DNAH7: variants seen among roughly 807,000 people sequenced by gnomAD.
DNAH7 encodes the protein dynein axonemal heavy chain 7.
In DNAH7, 397 loss-of-function variants were observed where a neutral mutation model predicts 444.6. That is an observed-to-expected ratio of 0.89 (90% CI 0.82 to 0.97). The LOEUF is 0.97. Ranked by LOEUF, DNAH7 falls within the 50% of genes least tolerant of loss-of-function variation. The pLI is 0.00. For synonymous variants in DNAH7, 1,636 were observed against 1,624.4 expected, an observed-to-expected ratio of 1.01 and a Z score of -0.17; for missense variants, 4,902 against 4,800.8, an observed-to-expected ratio of 1.02 and a Z score of -0.62.
At chr2:195,771,936 A>C (rs1348197007) in intron 60 of DNAH7, 46 bp from the exon 61 acceptor site, 2 of 1,524,616 alleles carry the variant, frequency 1.3e-6, no homozygotes, top group Non-Finnish European at 1.8e-6. Context: ...ATAAAGGTCT[A>C]ACAATAGCTG....
intron 21 of DNAH7, among the ~76,000 whole-genome samples, chr2:195,933,447 C>T (rs570876094): frequency 2.6e-5 from 4 of 152,236 alleles, no homozygotes; most frequent in South Asian, 4.1e-4. Flanking sequence ...GACATATGCA[C>T]ATGTATGTTT....
At chr2:195,952,813 T>C (rs1021509784) in intron 19 of DNAH7, among the ~76,000 whole-genome samples, 1 of 152,202 alleles carries the variant, frequency 6.6e-6, no homozygotes, top group African/African-American at 2.4e-5. Flanking sequence ...ACACTGGTTA[T>C]TCTAGTTAGC....
At chr2:195,745,949 C>G (rs1693374527) in intron 63 of DNAH7, among the ~76,000 whole-genome samples, 1 of 152,130 alleles carries the variant, frequency 6.6e-6, no homozygotes, top group African/African-American at 2.4e-5. Context: ...AACTAACGAG[C>G]AAAATAACCA....
intron 14 of DNAH7, among the ~76,000 whole-genome samples, chr2:195,985,811 C>A (rs1692869360): frequency 1.3e-5 from 2 of 152,278 alleles, no homozygotes; most frequent in South Asian, 4.1e-4. Flanking sequence ...TCTTCTAGTT[C>A]TTTTACAGGA....
intron 19 of DNAH7, among the ~76,000 whole-genome samples, chr2:195,950,779 G>A (rs1690174074): frequency 6.9e-6 from 1 of 145,756 alleles, no homozygotes; most frequent in Non-Finnish European, 1.5e-5. Context: ...GTGAACCCAG[G>A]AGGCGAAGCT....
intron 15 of DNAH7, among the ~76,000 whole-genome samples, chr2:195,974,713 T>C (rs1052811012): frequency 1.7e-4 from 25 of 150,058 alleles, no homozygotes; most frequent in African/African-American, 5.0e-4. Context: ...ATATAAAATA[T>C]AAAAATATTC....
chr2:195,894,329 G>T (rs948104237), intron 30 of DNAH7: 1 of 152,056 alleles, frequency 6.6e-6, no homozygotes, highest in African/African-American at 2.4e-5. Flanking sequence ...TAACAGAAAA[G>T]TAAGTAATTT....
intron 48 of DNAH7, among the ~76,000 whole-genome samples, chr2:195,828,612 T>TA (rs35780138): frequency 0.013 from 1,270 of 94,384 alleles, 10 homozygotes; most frequent in South Asian, 0.038. Flanking sequence ...ATATATATAT[T>TA]TTTTTTTTTT....
chr2:196,025,366 C>A (rs1162685336), intron 7 of DNAH7, among the ~76,000 whole-genome samples: 1 of 152,204 alleles, frequency 6.6e-6, no homozygotes, highest in African/African-American at 2.4e-5. Flanking sequence ...ATATGCAAAT[C>A]ATATGTATTA....
chr2:195,756,306 G>A (rs1694070485), intron 61 of DNAH7, 21 bp from the exon 62 acceptor site: 17 of 1,586,928 alleles, frequency 1.1e-5, no homozygotes, highest in Non-Finnish European at 1.5e-5. Flanking sequence ...TTTAACCTTG[G>A]TTAATATAAT....
chr2:196,028,126 G>A (rs1047058461), intron 5 of DNAH7, 79 bp from the exon 6 acceptor site: 8 of 1,096,756 alleles, frequency 7.3e-6, no homozygotes, highest in Non-Finnish European at 7.9e-6. Flanking sequence ...AGGAACACCA[G>A]GACTATTTTC....
intron 21 of DNAH7, among the ~76,000 whole-genome samples, chr2:195,933,167 C>G (rs1431852729): frequency 2.6e-5 from 4 of 152,066 alleles, no homozygotes; most frequent in Admixed American, 1.3e-4. Flanking sequence ...TCATCACTGG[C>G]CATCAGAGAA....
chr2:195,761,907 G>A (rs1694366681), intron 61 of DNAH7, among the ~76,000 whole-genome samples: 1 of 151,984 alleles, frequency 6.6e-6, no homozygotes, highest in Admixed American at 6.6e-5. Context: ...TAAAACTCAG[G>A]GTAATACTAA....
chr2:195,950,121 G>A (rs1366139827), intron 19 of DNAH7, among the ~76,000 whole-genome samples: 1 of 152,130 alleles, frequency 6.6e-6, no homozygotes, highest in Non-Finnish European at 1.5e-5. Context: ...CCTCATAAAT[G>A]GGTTAGGGAG....
At chr2:195,781,649 C>T (rs572318032) in intron 58 of DNAH7, among the ~76,000 whole-genome samples, 10 of 146,356 alleles carry the variant, frequency 6.8e-5, no homozygotes, top group South Asian at 2.2e-4. Flanking sequence ...ATAAGAAGTT[C>T]GTTTTAACCT....
rs186849698 is a variant in DNAH7 at position 195,873,668 on chromosome 2, G to T, written c.6313C>A (p.Arg2105=). The T allele has an allele frequency of 3.9e-6, 6 of 1,533,774 alleles. No individual in the cohort carries two copies. The highest frequency in any genetic ancestry group is 5.2e-6 in the Non-Finnish European group (6 of 1,147,894). ...PGGGRNPVTP[R]YMRHFNIITI... is the part of the protein sequence containing the mutation. ...ATAATATTGAAATGTCGCATGTATCGAGGAGTTACTGGATTTCGACCACCA... is the reference window on the plus strand; with the variant it reads ...ATAATATTGAAATGTCGCATGTATCTAGGAGTTACTGGATTTCGACCACCA... The change falls in exon 39 of 65, where the codon CGA becomes AGA. Residue 2105 remains arginine, a synonymous_variant. Transcript: ENST00000312428.
At chr2:195,811,397 C>T (rs1696961593) in intron 51 of DNAH7, among the ~76,000 whole-genome samples, 1 of 152,190 alleles carries the variant, frequency 6.6e-6, no homozygotes, top group African/African-American at 2.4e-5. Context: ...GTCATCAAAG[C>T]TGGATTGCAG....
intron 46 of DNAH7, among the ~76,000 whole-genome samples, chr2:195,850,813 G>A (rs1003069316): frequency 7.9e-5 from 12 of 152,108 alleles, no homozygotes; most frequent in African/African-American, 2.2e-4. Context: ...GGACAAGGAG[G>A]AGTAGAAGCC....
At position 195,957,926 on chromosome 2, in the gene DNAH7, A is replaced by G. The variant is rs552271300; in HGVS notation, c.2892-479T>C. ...TTTGTTGACAGTAAAGGTATTCCCA[A>G]TCAAGGGTACTCTGAGCTTCTGAGG... On this transcript the variant is annotated intron_variant, in intron 18 of 64. Coordinates refer to ENST00000312428, the MANE Select transcript of DNAH7 (RefSeq NM_018897.3). Among the ~76,000 whole-genome samples the G allele has an allele frequency of 2.6e-5, 4 of 152,262 alleles. No homozygotes were observed. In the South Asian group the frequency reaches 8.3e-4, roughly 32 times the overall value.
Sources: allele counts gnomAD v4.1 joint callset (sites outside exome capture counted in the v4.1 genomes callset), GRCh38; gene constraint gnomAD v4.1.1; transcripts MANE v1.5; gene names NCBI Gene and HGNC (gene_info 2026-07-23, HGNC 2026-07-21).